Variants in SULF1 observed in about 807,000 individuals in gnomAD.
SULF1 encodes extracellular sulfatase Sulf-1.
In SULF1, 46 loss-of-function variants were observed where a neutral mutation model predicts 110.5. That is an observed-to-expected ratio of 0.42 (90% CI 0.33 to 0.53). The LOEUF (loss-of-function observed/expected upper bound fraction) is 0.53. Ranked by LOEUF, SULF1 falls within the 20% of genes least tolerant of loss-of-function variation. SULF1 has a pLI of 0.12. For synonymous variants in SULF1, 371 were observed against 387.1 expected, an observed-to-expected ratio of 0.96 and a Z score of 0.49; for missense variants, 941 against 1,094.2, an observed-to-expected ratio of 0.86 and a Z score of 1.98.
chr8:69,601,308 T>A (rs545556434), intron 9 of SULF1, among the ~76,000 whole-genome samples: 1 of 152,306 alleles, frequency 6.6e-6, no homozygotes, highest in East Asian at 1.9e-4. Flanking sequence ...CCTTGGTAAT[T>A]AGATATGTGA....
At chr8:69,475,886 G>A (rs754576501) in intron 1 of SULF1, among the ~76,000 whole-genome samples, 19 of 152,192 alleles carry the variant, frequency 1.2e-4, no homozygotes, top group South Asian at 4.1e-4. Context: ...GGCATATGCC[G>A]CCTTAGATTT....
At chr8:69,508,213 C>A (rs1178091208) in intron 3 of SULF1, among the ~76,000 whole-genome samples, 1 of 151,936 alleles carries the variant, frequency 6.6e-6, no homozygotes, top group Non-Finnish European at 1.5e-5. Flanking sequence ...TCAAGCGATT[C>A]TCCTGCCTCA....
intron 18 of SULF1, 35 bp downstream of exon 18, chr8:69,628,271 G>A: frequency 1.3e-6 from 2 of 1,567,228 alleles, no homozygotes; most frequent in Non-Finnish European, 1.8e-6. Flanking sequence ...TTTGCTGGGA[G>A]TCAATGACTG....
chr8:69,636,916 G>C (rs1238884944), intron 19 of SULF1, among the ~76,000 whole-genome samples: 4 of 152,138 alleles, frequency 2.6e-5, no homozygotes, highest in Admixed American at 6.5e-5. Flanking sequence ...CCAGCAGCAG[G>C]CCACCAAAGA....
At chr8:69,479,204 C>A (rs1189630081) in intron 1 of SULF1, among the ~76,000 whole-genome samples, 1 of 152,156 alleles carries the variant, frequency 6.6e-6, no homozygotes, top group Non-Finnish European at 1.5e-5. Flanking sequence ...CACATGCCAG[C>A]CACTCAGGAT....
At chr8:69,494,751 A>C (rs1374652277) in intron 1 of SULF1, among the ~76,000 whole-genome samples, 3 of 152,130 alleles carry the variant, frequency 2.0e-5, no homozygotes, top group Admixed American at 6.5e-5. Flanking sequence ...CTTGTGACAC[A>C]CACCTGTAGT....
chr8:69,525,634 A>T (rs950406148), intron 3 of SULF1, among the ~76,000 whole-genome samples: 3 of 152,212 alleles, frequency 2.0e-5, no homozygotes, highest in African/African-American at 7.2e-5. Context: ...CCTCCCAGGC[A>T]CCTAACTCTA....
At position 69,576,002 on chromosome 8, in the gene SULF1, AT is replaced by A. The variant is rs1805583805; in HGVS notation, c.207del (p.Met70TrpfsTer13). On this transcript the variant is annotated frameshift_variant, in exon 6 of 23. Coordinates refer to ENST00000402687, the MANE Select transcript of SULF1 (RefSeq NM_001128205.2). LOFTEE classifies it high-confidence loss of function. ...SLQVMNKTRK[I>X]MEHGGATFIN... ...GCAAGTCATGAACAAAACGAGAAAG[AT>A]TATGGAACATGGGGGGGCCACCTTC... 6.2e-7 allele frequency: 1 copy of A among 1,613,918 alleles called. No homozygotes were observed. The highest frequency in any genetic ancestry group is 1.1e-5 in the South Asian group (1 of 91,058).
At chr8:69,535,651 T>A (rs1191369257) in intron 3 of SULF1, among the ~76,000 whole-genome samples, 2 of 152,010 alleles carry the variant, frequency 1.3e-5, no homozygotes, top group Admixed American at 6.6e-5. Context: ...AAGATGAGGG[T>A]GCCAACTAAG....
At chr8:69,589,608 A>G (rs1806737003) in intron 8 of SULF1, among the ~76,000 whole-genome samples, 2 of 152,188 alleles carry the variant, frequency 1.3e-5, no homozygotes, top group Non-Finnish European at 2.9e-5. Flanking sequence ...TTCCTGCAGA[A>G]GGCAGCTTGA....
At chr8:69,543,123 TG>T (rs1813975581) in intron 3 of SULF1, among the ~76,000 whole-genome samples, 3 of 152,340 alleles carry the variant, frequency 2.0e-5, no homozygotes, top group South Asian at 4.1e-4. Context: ...TCAGACTATT[TG>T]TTTTTTTAAT....
intron 3 of SULF1, among the ~76,000 whole-genome samples, chr8:69,513,864 A>G (rs1219725236): frequency 6.6e-6 from 1 of 152,214 alleles, no homozygotes; most frequent in African/African-American, 2.4e-5. Flanking sequence ...ACAAATAGTA[A>G]CACACACTCT....
At chr8:69,530,645 C>A (rs1813017600) in intron 3 of SULF1, among the ~76,000 whole-genome samples, 1 of 152,142 alleles carries the variant, frequency 6.6e-6, no homozygotes, top group Non-Finnish European at 1.5e-5. Context: ...ACCGTAGTAA[C>A]CAGATGAACT....
chr8:69,574,999 T>G (rs1229374603), intron 5 of SULF1, among the ~76,000 whole-genome samples: 1 of 152,162 alleles, frequency 6.6e-6, no homozygotes, highest in Non-Finnish European at 1.5e-5. Flanking sequence ...AAACATAGAC[T>G]TTCTTCCTTT....
Position 69,598,843 on chromosome 8 carries a change from G to A in SULF1, c.735-1760G>A, listed in dbSNP as rs1274276960. 3.9e-5 allele frequency among the ~76,000 whole-genome samples: 6 copies of A among 152,194 alleles called. 1 individual carries two copies. The highest frequency in any genetic ancestry group is 8.8e-5 in the Non-Finnish European group (6 of 68,036). On this transcript the variant is annotated intron_variant, in intron 8 of 22. Coordinates refer to ENST00000402687, the MANE Select transcript of SULF1 (RefSeq NM_001128205.2). The stretch of plus-strand genomic sequence containing the variant: ...CATAACTGAGGCACTTTTAGAGACA[G>A]TGTCTTCTAAGCTCAATGTGATATT...
chr8:69,578,510 C>A (rs1306699684), intron 6 of SULF1, among the ~76,000 whole-genome samples: 1 of 104,712 alleles, frequency 9.6e-6, no homozygotes, highest in East Asian at 3.4e-4. Context: ...CCCCTCCCCC[C>A]ACCCCACAAC....
At chr8:69,602,634 C>G (rs1202244080) in intron 10 of SULF1, among the ~76,000 whole-genome samples, 1 of 152,128 alleles carries the variant, frequency 6.6e-6, no homozygotes, top group African/African-American at 2.4e-5. Flanking sequence ...CCCCGAGTAC[C>G]ACATGTGCTG....
chr8:69,568,490 A>T (rs1177037658), intron 5 of SULF1, among the ~76,000 whole-genome samples: 1 of 152,222 alleles, frequency 6.6e-6, no homozygotes, highest in Non-Finnish European at 1.5e-5. Flanking sequence ...TTGCATATGG[A>T]TAACACTTTA....
intron 1 of SULF1, among the ~76,000 whole-genome samples, chr8:69,481,448 T>G (rs770866939): frequency 6.6e-6 from 1 of 152,230 alleles, no homozygotes; most frequent in Non-Finnish European, 1.5e-5. Context: ...TTTCCTTTTC[T>G]TAAATTTCCA....
Sources: allele counts gnomAD v4.1 joint callset (sites outside exome capture counted in the v4.1 genomes callset), GRCh38; gene constraint gnomAD v4.1.1; transcripts MANE v1.5; gene names NCBI Gene and HGNC (gene_info 2026-07-23, HGNC 2026-07-21).